SDHC: variants seen among roughly 807,000 people sequenced by gnomAD.
The protein encoded by SDHC is succinate dehydrogenase complex subunit C.
A neutral mutation model predicts 22.6 loss-of-function variants in SDHC; 11 were observed. The ratio of observed to expected loss-of-function variants is 0.49; its 90% CI spans 0.31 to 0.81. The LOEUF (loss-of-function observed/expected upper bound fraction) is 0.81, where lower values mean the gene tolerates loss of function less well. Among genes scored for constraint, SDHC ranks in the 30% least tolerant of loss-of-function variants. The pLI is 0.05. For synonymous variants in SDHC, 80 were observed against 77.8 expected (o/e 1.03, Z -0.15); for missense variants, 160 against 212.0 (o/e 0.75, Z 1.52).
chr1:161,354,475 G>C (rs1254123294), intron 4 of SDHC, among the ~76,000 whole-genome samples: 1 of 152,174 alleles, frequency 6.6e-6, no homozygotes, highest in South Asian at 2.1e-4. Context: ...GGGCAGCTTG[G>C]TGTAGTTTGG....
chr1:161,340,788 G>A, intron 4 of SDHC, 133 bp downstream of exon 4: 1 of 738,422 alleles, frequency 1.4e-6, no homozygotes, highest in South Asian at 1.4e-5. Context: ...TAAGTTTATT[G>A]TTCATTCATC....
At chr1:161,352,112 T>A (rs1672117699) in intron 4 of SDHC, among the ~76,000 whole-genome samples, 1 of 152,182 alleles carries the variant, frequency 6.6e-6, no homozygotes, top group South Asian at 2.1e-4. Context: ...GTTCAGCTGT[T>A]AGAGGACTCT....
intron 3 of SDHC, among the ~76,000 whole-genome samples, chr1:161,335,642 A>G (rs1384134532): frequency 6.6e-6 from 1 of 152,076 alleles, no homozygotes; most frequent in African/African-American, 2.4e-5. Context: ...GGCCAATAGG[A>G]GTTCTTCAAA....
At chr1:161,328,575 T>C in intron 3 of SDHC, 78 bp downstream of exon 3, 1 of 1,025,082 alleles carries the variant, frequency 9.8e-7, no homozygotes, top group Non-Finnish European at 1.5e-6. Flanking sequence ...GCCTACTTGA[T>C]ACTTCCCTCA....
intron 2 of SDHC, among the ~76,000 whole-genome samples, chr1:161,325,857 C>T (rs1671028013): frequency 6.6e-6 from 1 of 152,186 alleles, no homozygotes. Context: ...TGCCACCCAA[C>T]AAGAAGTTGT....
intron 4 of SDHC, among the ~76,000 whole-genome samples, chr1:161,353,150 A>C (rs1203581930): frequency 6.6e-6 from 1 of 152,190 alleles, no homozygotes; most frequent in Non-Finnish European, 1.5e-5. Flanking sequence ...TGTTATTCAC[A>C]TCCTAGTATT....
Position 161,331,330 on chromosome 1 carries a change from C to T in SDHC, c.179+2833C>T, listed in dbSNP as rs549562086. 1.1e-4 allele frequency among the ~76,000 whole-genome samples: 17 copies of T among 151,808 alleles called. No individual in the cohort carries two copies. In the South Asian group the frequency reaches 1.7e-3, roughly 15 times the overall value. ...TCACCCAGGCTGGAGTGCAGTGGCA[C>T]GATCTGGGCTCATTGCAACCTCCGC... On this transcript the variant is annotated intron_variant, in intron 3 of 5. Transcript: ENST00000367975.
intron 1 of SDHC, among the ~76,000 whole-genome samples, chr1:161,321,724 T>C (rs755231994): frequency 2.6e-5 from 4 of 152,180 alleles, no homozygotes; most frequent in Non-Finnish European, 4.4e-5. Context: ...AGTGTACTAA[T>C]ATGAAGCTTT....
intron 2 of SDHC, among the ~76,000 whole-genome samples, chr1:161,323,971 C>T (rs541476428): frequency 1.3e-5 from 2 of 152,172 alleles, no homozygotes; most frequent in African/African-American, 4.8e-5. Flanking sequence ...GCTGGGATTA[C>T]AGGCTTGAGC....
intron 1 of SDHC, among the ~76,000 whole-genome samples, chr1:161,320,858 C>T (rs537324416): frequency 1.7e-4 from 22 of 128,572 alleles, no homozygotes; most frequent in African/African-American, 6.2e-4. Flanking sequence ...GATGGAGTCC[C>T]GCTCTGTCAC....
At chr1:161,325,140 A>G (rs1021011858) in intron 2 of SDHC, among the ~76,000 whole-genome samples, 1 of 152,050 alleles carries the variant, frequency 6.6e-6, no homozygotes, top group Non-Finnish European at 1.5e-5. Context: ...CCAGCAGTTC[A>G]AGGTTGTGGT....
intron 3 of SDHC, among the ~76,000 whole-genome samples, chr1:161,331,233 T>A (rs1471412599): frequency 6.6e-6 from 1 of 152,040 alleles, no homozygotes; most frequent in Admixed American, 6.6e-5. Flanking sequence ...TAAGGTTACA[T>A]GGCCACGCCC....
At chr1:161,335,746 A>G (rs1255161841) in intron 3 of SDHC, among the ~76,000 whole-genome samples, 2 of 152,190 alleles carry the variant, frequency 1.3e-5, no homozygotes, top group Non-Finnish European at 2.9e-5. Flanking sequence ...TAGAGGTAGC[A>G]TATATATGTA....
chr1:161,354,942 AC>A (rs1672220324), intron 4 of SDHC, among the ~76,000 whole-genome samples: 1 of 151,962 alleles, frequency 6.6e-6, no homozygotes, highest in African/African-American at 2.4e-5. Flanking sequence ...ACTCCTCACC[AC>A]AAATAATCTG....
In SDHC at chr1:161,314,585, G is replaced by T. The variant is rs536046091; in HGVS notation, c.20+160G>T. ...GGGGATCCTAGAGACCCCTTTTCCCGTCCCCCCCAGCCGCTCCGGTGCGCT... is the reference window on the plus strand; with the variant it reads ...GGGGATCCTAGAGACCCCTTTTCCCTTCCCCCCCAGCCGCTCCGGTGCGCT... On this transcript the variant is annotated intron_variant, in intron 1 of 5. Transcript: ENST00000367975. 5.1e-5 allele frequency: 41 copies of T among 811,690 alleles called. No individual in the cohort carries two copies. The Admixed American group carries it at 6.0e-4, about 12-fold the overall frequency. The allele number at this position is 811,690 out of a possible 1,614,324, so 50.3% of individuals were successfully genotyped here.
Position 161,317,550 on chromosome 1 carries a change from G to GTT in SDHC, c.20+3153_20+3154dup, listed in dbSNP as rs34457815. On this transcript the variant is annotated intron_variant, in intron 1 of 5. Transcript: ENST00000367975. ...GGTTTTGTGTGTGTGTGTGTGTGTG[G>GTT]TTTTTTTTTTTTTTTTTTTTTTTTT... Among the ~76,000 whole-genome samples the GTT allele has an allele frequency of 2.5e-3, 151 of 59,898 alleles. 17 individuals are homozygous for GTT. The highest frequency in any genetic ancestry group is 3.1e-3 in the Non-Finnish European group (106 of 34,746). 39.3% of individuals were successfully genotyped at this position (59,898 alleles called of 152,430 possible). A position where few individuals can be genotyped will look rare whatever the true frequency, so the allele number is the denominator to read the frequency against.
intron 4 of SDHC, among the ~76,000 whole-genome samples, chr1:161,355,048 T>C (rs950644513): frequency 6.6e-6 from 1 of 152,174 alleles, no homozygotes; most frequent in African/African-American, 2.4e-5. Context: ...TCATATTTGT[T>C]ATACTTGATT....
chr1:161,318,259 C>A (rs1255446167), intron 1 of SDHC, among the ~76,000 whole-genome samples: 1 of 152,140 alleles, frequency 6.6e-6, no homozygotes, highest in Admixed American at 6.5e-5. Context: ...CTTTGACCAA[C>A]TTCTTCCCCT....
At chr1:161,347,335 A>ACCTCCGC (rs1671936216) in intron 4 of SDHC, among the ~76,000 whole-genome samples, 1 of 151,704 alleles carries the variant, frequency 6.6e-6, no homozygotes, top group African/African-American at 2.4e-5. Flanking sequence ...GCTCACTGCA[A>ACCTCCGC]CCTCCGCCTG....
Sources: gnomAD v4.1 joint callset for allele counts (sites outside exome capture counted in the v4.1 genomes callset) on GRCh38, gnomAD v4.1.1 for gene constraint, MANE v1.5 for transcripts, NCBI Gene and HGNC (gene_info 2026-07-23, HGNC 2026-07-21) for gene names.